The following COLEC11 variants were observed in gnomAD, a reference collection of about 807,000 sequenced individuals.
COLEC11 encodes the protein collectin-11.
In COLEC11, 20 loss-of-function variants were observed where a neutral mutation model predicts 27.3. That is an observed-to-expected ratio of 0.73 (90% confidence interval 0.51 to 1.06). COLEC11 has a LOEUF of 1.06. Ranked by LOEUF, COLEC11 falls within the 50% of genes least tolerant of loss-of-function variation. The pLI is 0.00. For missense variants in COLEC11, 310 were observed against 383.0 expected, an observed-to-expected ratio of 0.81 and a Z score of 1.59; for synonymous variants, 163 against 154.7, an observed-to-expected ratio of 1.05 and a Z score of -0.40.
rs115883555 is a variant in COLEC11 at position 3,624,821 on chromosome 2, A to G, written c.202+11439A>G. 3.9e-3 allele frequency among the ~76,000 whole-genome samples: 599 copies of G among 152,294 alleles called. 5 individuals are homozygous for G. Among genetic ancestry groups the G allele is most frequent in the African/African-American group, 0.014 (567 of 41,568 alleles). On this transcript the variant is annotated intron_variant, in intron 3 of 6. Transcript: ENST00000349077. ...GCTTCTTTGGGGGGACTATGGTAGA[A>G]AGCTCCTCTTCTGCCATCCTCCTAA...
rs188028374 is a variant in COLEC11, at chr2:3,613,475, G to C, written c.202+93G>C. 6,754 of 1,341,924 alleles carry C rather than the reference G, an allele frequency of 5.0e-3. 227 individuals carry two copies. The African/African-American group carries it at 0.079, about 16-fold the overall frequency. The allele number at this position is 1,341,924 out of a possible 1,614,324, so 83.1% of individuals were successfully genotyped here. A position where few individuals can be genotyped will look rare whatever the true frequency, so the allele number is the denominator to read the frequency against. On this transcript the variant is annotated intron_variant, in intron 3 of 6. Transcript: ENST00000349077. ...TGGGGAGGTGGGGGTGGTGGTTCCA[G>C]AGAGGACAGGCCCTGCCCTCTGGGT...
At chr2:3,612,463 C>A (rs1048923750) in intron 2 of COLEC11, among the ~76,000 whole-genome samples, 1 of 152,124 alleles carries the variant, frequency 6.6e-6, no homozygotes, top group African/African-American at 2.4e-5. Context: ...GCTGACCAGG[C>A]AGGCTGGGCA....
At chr2:3,608,476 A>G (rs1413559887) in intron 2 of COLEC11, among the ~76,000 whole-genome samples, 1 of 152,204 alleles carries the variant, frequency 6.6e-6, no homozygotes, top group Non-Finnish European at 1.5e-5. Context: ...CATTACCTGC[A>G]GGGACATACA....
At chr2:3,635,453 G>A (rs921777450) in intron 3 of COLEC11, among the ~76,000 whole-genome samples, 2 of 152,010 alleles carry the variant, frequency 1.3e-5, no homozygotes, top group African/African-American at 2.4e-5. Flanking sequence ...CGCCCTCTTC[G>A]CCAACCCTCC....
At chr2:3,638,492 T>G (rs960298217) in intron 4 of COLEC11, among the ~76,000 whole-genome samples, 1 of 152,188 alleles carries the variant, frequency 6.6e-6, no homozygotes, top group African/African-American at 2.4e-5. Flanking sequence ...GGGGCCAGGT[T>G]CTTCTACCTC....
intron 3 of COLEC11, among the ~76,000 whole-genome samples, chr2:3,618,394 T>C (rs1299275109): frequency 6.6e-6 from 1 of 151,792 alleles, no homozygotes; most frequent in East Asian, 1.9e-4. Context: ...GGATTCAGTT[T>C]TGTTTTTTTG....
intron 3 of COLEC11, among the ~76,000 whole-genome samples, chr2:3,631,560 T>C (rs1665002267): frequency 1.3e-5 from 2 of 152,030 alleles, no homozygotes; most frequent in African/African-American, 4.8e-5. Flanking sequence ...TGGTCCAAGC[T>C]ATGGGTTTAG....
intron 1 of COLEC11, among the ~76,000 whole-genome samples, chr2:3,601,077 T>C (rs1165419992): frequency 6.6e-6 from 1 of 152,210 alleles, no homozygotes; most frequent in Non-Finnish European, 1.5e-5. Context: ...TCGTGGATTC[T>C]TGTAGGATGT....
chr2:3,605,011 G>C (rs889864156), intron 2 of COLEC11: 22 of 470,376 alleles, frequency 4.7e-5, no homozygotes, highest in Non-Finnish European at 9.3e-5. Flanking sequence ...CCCGGATAGA[G>C]ATAGTTCTGC....
At chr2:3,614,768 C>A (rs1663522148) in intron 3 of COLEC11, among the ~76,000 whole-genome samples, 1 of 152,088 alleles carries the variant, frequency 6.6e-6, no homozygotes, top group Non-Finnish European at 1.5e-5. Context: ...CTACCAGAAA[C>A]CTGGCAAAGT....
intron 3 of COLEC11, among the ~76,000 whole-genome samples, chr2:3,633,302 C>T (rs1665147557): frequency 6.6e-6 from 1 of 152,210 alleles, no homozygotes; most frequent in Non-Finnish European, 1.5e-5. Context: ...TGGTTCAGTC[C>T]ATCAGTTGGA....
intron 2 of COLEC11, among the ~76,000 whole-genome samples, chr2:3,611,784 C>T (rs1663213989): frequency 1.3e-5 from 2 of 151,946 alleles, no homozygotes; most frequent in Admixed American, 1.3e-4. Context: ...AAAGTCCCCT[C>T]CGTGAGGCCA....
chr2:3,599,838 A>G (rs1662093199), intron 1 of COLEC11, among the ~76,000 whole-genome samples: 1 of 152,260 alleles, frequency 6.6e-6, no homozygotes, highest in Admixed American at 6.5e-5. Context: ...CGTCAGTGGC[A>G]TGCAGTCTGC....
chr2:3,625,873 T>C, intron 3 of COLEC11: 1 of 744,106 alleles, frequency 1.3e-6, no homozygotes, highest in South Asian at 1.4e-5. Flanking sequence ...CCTCAAGAGA[T>C]CCGCCTACCT....
At chr2:3,622,134 G>A (rs1225930330) in intron 3 of COLEC11, among the ~76,000 whole-genome samples, 4 of 149,250 alleles carry the variant, frequency 2.7e-5, no homozygotes, top group South Asian at 2.1e-4. Context: ...GTGCCACCGC[G>A]CTCCAGCCTG....
At chr2:3,604,278 G>A in intron 1 of COLEC11, 37 bp from the exon 2 acceptor site, 4 of 1,611,030 alleles carry the variant, frequency 2.5e-6, no homozygotes, top group Non-Finnish European at 3.4e-6. Flanking sequence ...CCCGGCTGTT[G>A]CAGTTCCCAT....
rs148328980 is a variant in COLEC11, at chr2:3,623,224, C to T, written c.202+9842C>T. On this transcript the variant is annotated intron_variant, in intron 3 of 6. Coordinates refer to ENST00000349077, the MANE Select transcript of COLEC11 (RefSeq NM_024027.5). ...CTTTCTGCTTTCAAAATTCTCTTCT[C>T]GTCTTTGATTTATGGTAGTTTGATT... 8.2e-3 allele frequency among the ~76,000 whole-genome samples: 1,249 copies of T among 152,168 alleles called. 11 individuals carry two copies. The highest frequency in any genetic ancestry group is 0.058 in the Middle Eastern group (17 of 294).
intron 2 of COLEC11, among the ~76,000 whole-genome samples, chr2:3,606,488 C>T (rs372765437): frequency 6.6e-6 from 1 of 152,172 alleles, no homozygotes; most frequent in African/African-American, 2.4e-5. Context: ...TCCCAAGCCT[C>T]GGCCTCCTGG....
chr2:3,631,694 G>A (rs1386794545), intron 3 of COLEC11, among the ~76,000 whole-genome samples: 4 of 151,660 alleles, frequency 2.6e-5, no homozygotes, highest in Admixed American at 6.6e-5. Flanking sequence ...GCCCCTGCTC[G>A]GAGGGGGCTC....
Sources: gnomAD v4.1 joint callset for allele counts (sites outside exome capture counted in the v4.1 genomes callset) on GRCh38, gnomAD v4.1.1 for gene constraint, MANE v1.5 for transcripts, NCBI Gene and HGNC (gene_info 2026-07-23, HGNC 2026-07-21) for gene names.